The following PADI1 variants were observed in gnomAD, a reference collection of about 807,000 sequenced individuals.
The protein encoded by PADI1 is protein-arginine deiminase type-1.
PADI1 carries 65 observed loss-of-function variants against 74.8 expected under a neutral mutation model. The observed-to-expected ratio is 0.87, with a 90% CI of 0.71 to 1.07. PADI1 has a LOEUF of 1.07. PADI1 is among the 50% of genes least tolerant of loss of function. The pLI, the probability that PADI1 is intolerant of heterozygous loss-of-function variation, is 0.00. For synonymous variants in PADI1, 371 were observed against 336.2 expected (o/e 1.10, Z -1.13); for missense variants, 943 against 854.0 (o/e 1.10, Z -1.30).
intron 1 of PADI1, among the ~76,000 whole-genome samples, chr1:17,219,541 G>A (rs1004592349): frequency 1.3e-5 from 2 of 152,114 alleles, no homozygotes; most frequent in African/African-American, 2.4e-5. Flanking sequence ...TTGGATGAGA[G>A]GTCAAGGGAC....
intron 12 of PADI1, among the ~76,000 whole-genome samples, chr1:17,238,209 T>G (rs2072692883): frequency 6.6e-6 from 1 of 152,084 alleles, no homozygotes; most frequent in African/African-American, 2.4e-5. Flanking sequence ...CCCAGCTAAT[T>G]TTTTGTATTT....
intron 1 of PADI1, among the ~76,000 whole-genome samples, chr1:17,206,831 A>G (rs57989360): frequency 0.071 from 10,796 of 151,660 alleles, 1,230 homozygotes; most frequent in African/African-American, 0.24. Flanking sequence ...ACAGGAACCC[A>G]CCATCACACT....
Position 17,222,353 on chromosome 1 carries a change from G to T in PADI1, c.156G>T (p.Met52Ile). The part of the protein sequence containing the change: ...VSGSSGVEVF[M>I]VYNRTRVKEP... The stretch of plus-strand genomic sequence containing the variant: ...GAAGCTCCGGGGTGGAGGTCTTCAT[G>T]GTCTACAACCGCACACGTGTGAAAG... The change falls in exon 2 of 16, where the codon ATG becomes ATT. Residue 52 changes from methionine (M) to isoleucine (I), a missense_variant. By Grantham distance (10) the Met-to-Ile change is conservative. Transcript: ENST00000375471. 1.2e-6 allele frequency: 2 copies of T among 1,614,056 alleles called. No homozygotes were observed. The highest frequency in any genetic ancestry group is 1.7e-6 in the Non-Finnish European group (2 of 1,179,930).
At chr1:17,237,677 T>C (rs890759668) in intron 12 of PADI1, among the ~76,000 whole-genome samples, 1 of 152,214 alleles carries the variant, frequency 6.6e-6, no homozygotes, top group African/African-American at 2.4e-5. Context: ...AGGAATGATA[T>C]TGATAATAAT....
At chr1:17,227,173 G>A (rs1490514088) in intron 6 of PADI1, among the ~76,000 whole-genome samples, 1 of 150,942 alleles carries the variant, frequency 6.6e-6, no homozygotes, top group African/African-American at 2.4e-5. Flanking sequence ...CTCCAGCCTG[G>A]GTGAGTGAAC....
intron 3 of PADI1, among the ~76,000 whole-genome samples, chr1:17,224,017 C>T (rs545509332): frequency 6.6e-6 from 1 of 152,376 alleles, no homozygotes; most frequent in South Asian, 2.1e-4. Context: ...TCAGCCAGGG[C>T]CAGGGTCAAT....
At chr1:17,240,937 C>T (rs895888235) in intron 15 of PADI1, among the ~76,000 whole-genome samples, 177 bp downstream of exon 15, 7 of 152,156 alleles carry the variant, frequency 4.6e-5, no homozygotes, top group Non-Finnish European at 4.4e-5. Flanking sequence ...GCAATTTTGC[C>T]CCCAGGGGAT....
At chr1:17,218,878 G>A (rs561132312) in intron 1 of PADI1, among the ~76,000 whole-genome samples, 1 of 152,298 alleles carries the variant, frequency 6.6e-6, no homozygotes, top group South Asian at 2.1e-4. Flanking sequence ...GGGCAGGCAT[G>A]GTCGTGGACT....
At position 17,228,721 on chromosome 1, in the gene PADI1, A is replaced by C. The variant is rs762716323; in HGVS notation, c.749A>C (p.Tyr250Ser). 22 of 1,614,026 alleles carry C rather than the reference A, an allele frequency of 1.4e-5. No homozygotes were observed. The South Asian group carries it at 2.0e-4, about 14-fold the overall frequency. The change falls in exon 7 of 16, where the codon TAT becomes TCT. Residue 250 changes from tyrosine (Y) to serine (S), a missense_variant. By Grantham distance (144) the Tyr-to-Ser change is moderately radical (BLOSUM62 -2). Transcript: ENST00000375471. ...RQPGEQEIKF[Y>S]VEGLTFPDAD... Reference sequence around the variant, plus strand: ...CCAGGGGAGCAGGAGATCAAGTTCTATGTGGAGGGGCTGACCTTCCCCGAT... The same window carrying C: ...CCAGGGGAGCAGGAGATCAAGTTCTCTGTGGAGGGGCTGACCTTCCCCGAT...
Position 17,222,323 on chromosome 1 carries a change from C to T in PADI1, c.126C>T (p.Val42=), listed in dbSNP as rs2072178074. Residue 42 remains valine (V), a synonymous_variant, in exon 2 of 16, where the codon GTC becomes GTT. Transcript: ENST00000375471. The stretch of plus-strand genomic sequence containing the variant: ...CCAAGGGTGCCAACAGCTTCAGGGT[C>T]TCTGGAAGCTCCGGGGTGGAGGTCT... ...DVPKGANSFR[V]SGSSGVEVFM... is the part of the protein sequence containing the mutation. 1 of 1,613,840 alleles carries T rather than the reference C, an allele frequency of 6.2e-7. No individual in the cohort carries two copies. Among genetic ancestry groups the T allele is most frequent in the African/African-American group, 1.3e-5 (1 of 74,914 alleles).
At chr1:17,227,094 G>A (rs1285679622) in intron 6 of PADI1, among the ~76,000 whole-genome samples, 1 of 151,018 alleles carries the variant, frequency 6.6e-6, no homozygotes, top group Non-Finnish European at 1.5e-5. Flanking sequence ...CTACTCGGGA[G>A]GTTGAGGCAG....
At chr1:17,232,560 G>A (rs1009195852) in intron 10 of PADI1, among the ~76,000 whole-genome samples, 9 of 152,198 alleles carry the variant, frequency 5.9e-5, no homozygotes, top group African/African-American at 2.2e-4. Context: ...TTGATCCATG[G>A]ATTCTTTAGA....
chr1:17,209,403 T>C (rs1203543935), intron 1 of PADI1, among the ~76,000 whole-genome samples: 1 of 152,200 alleles, frequency 6.6e-6, no homozygotes, highest in Non-Finnish European at 1.5e-5. Context: ...CACAGGGCCC[T>C]GACAGGCCCG....
chr1:17,226,988 C>T (rs141744956), intron 6 of PADI1, among the ~76,000 whole-genome samples: 11,770 of 150,520 alleles, frequency 0.078, 616 homozygotes, highest in Non-Finnish European at 0.12. Flanking sequence ...GCTGAGATCA[C>T]GCCACTGCAC....
At chr1:17,238,146 T>C (rs2072690835) in intron 12 of PADI1, among the ~76,000 whole-genome samples, 1 of 152,228 alleles carries the variant, frequency 6.6e-6, no homozygotes, top group South Asian at 2.1e-4. Context: ...CCTGCTGGGT[T>C]CAAGCGATTC....
intron 15 of PADI1, among the ~76,000 whole-genome samples, chr1:17,243,129 G>A (rs2072811160): frequency 6.6e-6 from 1 of 152,186 alleles, no homozygotes; most frequent in African/African-American, 2.4e-5. Context: ...AGAAGGTCCG[G>A]AGTCCCCTTT....
chr1:17,206,380 C>G (rs2071682959), intron 1 of PADI1, among the ~76,000 whole-genome samples: 1 of 152,122 alleles, frequency 6.6e-6, no homozygotes. Context: ...TGGTCTGTGA[C>G]CCCGGTGGCA....
At chr1:17,214,634 A>C (rs1240494846) in intron 1 of PADI1, among the ~76,000 whole-genome samples, 1 of 152,144 alleles carries the variant, frequency 6.6e-6, no homozygotes, top group Non-Finnish European at 1.5e-5. Flanking sequence ...GGAGAGGATT[A>C]TTAGATTTGG....
At chr1:17,240,832 GC>G in intron 15 of PADI1, 72 bp downstream of exon 15, 2 of 1,539,316 alleles carry the variant, frequency 1.3e-6, no homozygotes, top group Non-Finnish European at 1.8e-6. Flanking sequence ...CTGGCCCAGG[GC>G]AGGCTGGTGC....
Sources: gnomAD v4.1 joint callset for allele counts (sites outside exome capture counted in the v4.1 genomes callset) on GRCh38, gnomAD v4.1.1 for gene constraint, MANE v1.5 for transcripts, NCBI Gene and HGNC (gene_info 2026-07-23, HGNC 2026-07-21) for gene names.